The following MAD2L1BP variants were observed in gnomAD, a reference collection of about 807,000 sequenced individuals.
MAD2L1BP encodes MAD2L1 binding protein.
A neutral mutation model predicts 28.4 loss-of-function variants in MAD2L1BP; 22 were observed. That is an observed-to-expected ratio of 0.77 (90% CI 0.55 to 1.10). The LOEUF (loss-of-function observed/expected upper bound fraction) is 1.10, where lower values mean the gene tolerates loss of function less well. Ranked by LOEUF, MAD2L1BP falls within the 50% of genes least tolerant of loss-of-function variation. MAD2L1BP has a pLI of 0.00. For missense variants in MAD2L1BP, 325 were observed against 350.5 expected, an observed-to-expected ratio of 0.93 and a Z score of 0.58; for synonymous variants, 146 against 133.7, an observed-to-expected ratio of 1.09 and a Z score of -0.63.
Position 43,640,791 on chromosome 6 carries a change from A to G in MAD2L1BP, c.*258A>G, listed in dbSNP as rs537819767. On this transcript the variant is annotated 3_prime_UTR_variant, in exon 3 of 3. Transcript: ENST00000372171. The stretch of plus-strand genomic sequence containing the variant: ...AGAGGGTGCTGGGTCAGGCATTTCT[A>G]TTAGGAGTTGGAAAGCAAAAATGGG... 17 of 431,316 alleles carry G rather than the reference A, an allele frequency of 3.9e-5. No homozygotes were observed. The South Asian group carries it at 4.7e-4, about 12-fold the overall frequency. The allele number at this position is 431,316 out of a possible 1,614,324, so 26.7% of individuals were successfully genotyped here. A position where few individuals can be genotyped will look rare whatever the true frequency, so the allele number is the denominator to read the frequency against.
At chr6:43,638,467 A>G (rs1363765824) in intron 2 of MAD2L1BP, among the ~76,000 whole-genome samples, 1 of 151,292 alleles carries the variant, frequency 6.6e-6, no homozygotes, top group Non-Finnish European at 1.5e-5. Context: ...TTTGACTTTC[A>G]TGTTGGAGAG....
chr6:43,637,133 C>T (rs1430335929), intron 2 of MAD2L1BP, among the ~76,000 whole-genome samples: 1 of 152,114 alleles, frequency 6.6e-6, no homozygotes, highest in African/African-American at 2.4e-5. Context: ...GGCGTGATCT[C>T]GGCTCACTGC....
chr6:43,639,440 A>G (rs1770447362), intron 2 of MAD2L1BP, among the ~76,000 whole-genome samples: 1 of 151,990 alleles, frequency 6.6e-6, no homozygotes, highest in Non-Finnish European at 1.5e-5. Context: ...CGCCCAGCCA[A>G]CTCTTCATCT....
At position 43,640,754 on chromosome 6, in the gene MAD2L1BP, G is replaced by T; in HGVS notation, c.*221G>T. On this transcript the variant is annotated 3_prime_UTR_variant, in exon 3 of 3. Coordinates refer to ENST00000372171, the MANE Select transcript of MAD2L1BP (RefSeq NM_014628.3). ...TGAACAACATCTCTTTGAATCAAAGGTTGATTTTCCCAGAGGGTGCTGGGT... is the reference window on the plus strand; with the variant it reads ...TGAACAACATCTCTTTGAATCAAAGTTTGATTTTCCCAGAGGGTGCTGGGT... 1 of 527,414 alleles carries T rather than the reference G, an allele frequency of 1.9e-6. No individual in the cohort carries two copies. Among genetic ancestry groups the T allele is most frequent in the Admixed American group, 3.8e-5 (1 of 26,276 alleles). 32.7% of individuals were successfully genotyped at this position (527,414 alleles called of 1,614,324 possible).
At chr6:43,635,507 G>A (rs1410716814), upstream of MAD2L1BP, among the ~76,000 whole-genome samples, 1 of 152,206 alleles carries the variant, frequency 6.6e-6, no homozygotes, top group African/African-American at 2.4e-5. Context: ...CCTTGAGCAC[G>A]GGGCCCGCGC....
upstream of MAD2L1BP, among the ~76,000 whole-genome samples, chr6:43,634,220 C>CTT (rs751773637): frequency 0.033 from 3,435 of 103,674 alleles, 332 homozygotes; most frequent in African/African-American, 0.13. Context: ...TTCTTTTTTT[C>CTT]TTTTTTTTTT....
chr6:43,636,035 C>A, intron 1 of MAD2L1BP, 114 bp downstream of exon 1: 1 of 1,101,030 alleles, frequency 9.1e-7, no homozygotes, highest in Non-Finnish European at 1.3e-6. Context: ...TCCCTGTCTT[C>A]CGGGTGTCCT....
rs1770505985 is a variant in MAD2L1BP, at chr6:43,640,516, A to G, written c.808A>G (p.Lys270Glu). 1 of 1,592,680 alleles carries G rather than the reference A, an allele frequency of 6.3e-7. No individual in the cohort carries two copies. Among genetic ancestry groups the G allele is most frequent in the African/African-American group, 1.3e-5 (1 of 74,292 alleles). ...YIWFQAPVTF[K>E]GFRE ...TTGGTTCCAGGCACCAGTGACATTT[A>G]AAGGCTTCCGCGAGTGAATGAGTGC... Residue 270 changes from lysine (K) to glutamate (E), a missense_variant, in exon 3 of 3, where the codon AAA (lysine) becomes GAA (glutamate). Lys to Glu is a moderately conservative substitution (Grantham distance 56). Coordinates refer to ENST00000372171, the MANE Select transcript of MAD2L1BP (RefSeq NM_014628.3).
chr6:43,639,984 C>G, intron 2 of MAD2L1BP, 37 bp from the exon 3 acceptor site: 1 of 1,507,006 alleles, frequency 6.6e-7, no homozygotes, highest in Non-Finnish European at 8.9e-7. Context: ...CTTCCCCCTG[C>G]CTTGTTCTTC....
chr6:43,632,035 G>T (rs527621361), upstream of MAD2L1BP, among the ~76,000 whole-genome samples: 22 of 152,120 alleles, frequency 1.4e-4, no homozygotes, highest in African/African-American at 4.8e-4. Context: ...GAGTAGCTGG[G>T]ATTACAGGCA....
upstream of MAD2L1BP, among the ~76,000 whole-genome samples, chr6:43,635,033 C>T (rs1211872427): frequency 6.6e-6 from 1 of 152,162 alleles, no homozygotes; most frequent in Admixed American, 6.5e-5. Context: ...TAACTGGTAT[C>T]CCTGCCTCCT....
At chr6:43,639,899 G>T in intron 2 of MAD2L1BP, 122 bp from the exon 3 acceptor site, 1 of 699,056 alleles carries the variant, frequency 1.4e-6, no homozygotes. Context: ...TGGCTGTGGC[G>T]GTTCATTGAG....
chr6:43,633,172 CTTT>C (rs547697381), upstream of MAD2L1BP: 1,140 of 387,642 alleles, frequency 2.9e-3, no homozygotes, highest in East Asian at 6.0e-3. Context: ...AATCATTGTA[CTTT>C]TTTTTTTTTT....
chr6:43,640,232 A>G lies in MAD2L1BP; in HGVS notation c.524A>G (p.Tyr175Cys). The change falls in exon 3 of 3, where the codon TAC (tyrosine) becomes TGC (cysteine). Residue 175 changes from tyrosine (Y) to cysteine (C), a missense_variant. Transcript: ENST00000372171. ...YELDLSLLAP[Y>C]SVDQSLSTAA... Reference sequence around the variant, plus strand: ...CTCGACTTGTCTCTGCTGGCCCCCTACAGCGTGGACCAGAGCCTGAGCACA... The same window carrying G: ...CTCGACTTGTCTCTGCTGGCCCCCTGCAGCGTGGACCAGAGCCTGAGCACA... 1 of 1,613,854 alleles carries G rather than the reference A, an allele frequency of 6.2e-7. No individual in the cohort carries two copies. Among genetic ancestry groups the G allele is most frequent in the Non-Finnish European group, 8.5e-7 (1 of 1,179,958 alleles).
At chr6:43,639,391 G>A (rs568320614) in intron 2 of MAD2L1BP, among the ~76,000 whole-genome samples, 5 of 152,154 alleles carry the variant, frequency 3.3e-5, no homozygotes, top group East Asian at 1.9e-4. Context: ...CGCCCGCCTC[G>A]GCCTCTCAAA....
chr6:43,631,897 G>GTTGT (rs905166382), upstream of MAD2L1BP, among the ~76,000 whole-genome samples: 2 of 152,086 alleles, frequency 1.3e-5, no homozygotes, highest in Non-Finnish European at 2.9e-5. Flanking sequence ...AGAAGTTGTT[G>GTTGT]TTGTTTGTTT....
chr6:43,636,241 T>A (rs1163998186), intron 1 of MAD2L1BP, 140 bp from the exon 2 acceptor site: 1 of 781,168 alleles, frequency 1.3e-6, no homozygotes, highest in Admixed American at 2.6e-5. Context: ...CGGCCCATAC[T>A]GTAGGCTGCG....
At chr6:43,639,764 A>G (rs1351077226) in intron 2 of MAD2L1BP, among the ~76,000 whole-genome samples, 2 of 152,196 alleles carry the variant, frequency 1.3e-5, no homozygotes, top group African/African-American at 2.4e-5. Context: ...TTAGTTGCTT[A>G]TATCTGGATA....
At position 43,639,978 on chromosome 6, in the gene MAD2L1BP, C is replaced by A. The variant is rs991356107; in HGVS notation, c.313-43C>A. 5 of 1,501,900 alleles carry A rather than the reference C, an allele frequency of 3.3e-6. No individual in the cohort carries two copies. In the African/African-American group the frequency reaches 5.6e-5, roughly 17 times the overall value. 93.0% of individuals were successfully genotyped at this position (1,501,900 alleles called of 1,614,324 possible). ...GTTCTTTTCAAAGAGCATTAGCTTCCCCCTGCCTTGTTCTTCTCTCCCACC... is the reference window on the plus strand; with the variant it reads ...GTTCTTTTCAAAGAGCATTAGCTTCACCCTGCCTTGTTCTTCTCTCCCACC... On this transcript the variant is annotated intron_variant, in intron 2 of 2. Transcript: ENST00000372171.
Sources: allele counts gnomAD v4.1 joint callset (sites outside exome capture counted in the v4.1 genomes callset), GRCh38; gene constraint gnomAD v4.1.1; transcripts MANE v1.5; gene names NCBI Gene and HGNC (gene_info 2026-07-23, HGNC 2026-07-21).